The following NFIB variants were observed in gnomAD, a reference collection of about 807,000 sequenced individuals.
NFIB encodes the protein nuclear factor 1 B-type.
Under a neutral mutation model 61.5 loss-of-function variants are expected in NFIB, and 11 were observed. That is an observed-to-expected ratio of 0.18 (90% confidence interval 0.11 to 0.30). The LOEUF is 0.30. NFIB is among the 10% of genes least tolerant of loss of function. NFIB has a pLI of 1.00. For missense variants in NFIB, 471 were observed against 608.9 expected (o/e 0.77, Z 2.38); for synonymous variants, 260 against 216.5 (o/e 1.20, Z -1.76).
At chr9:14,124,284 T>C (rs2039353858) in intron 7 of NFIB, among the ~76,000 whole-genome samples, 1 of 152,244 alleles carries the variant, frequency 6.6e-6, no homozygotes, top group Non-Finnish European at 1.5e-5. Context: ...CAGTTAATTC[T>C]GTCCAAATAT....
At chr9:14,300,410 T>C (rs2059687359) in intron 2 of NFIB, among the ~76,000 whole-genome samples, 1 of 152,204 alleles carries the variant, frequency 6.6e-6, no homozygotes, top group African/African-American at 2.4e-5. Context: ...AGCACATACA[T>C]AGGAAAACCC....
Position 14,087,043 on chromosome 9 carries a change from C to T in NFIB, c.*1266G>A, listed in dbSNP as rs1780377862. On this transcript the variant is annotated 3_prime_UTR_variant, in exon 11 of 11. Coordinates refer to ENST00000380953, the MANE Select transcript of NFIB (RefSeq NM_001190737.2). ...TTTTCTCAAGAGTGCGTTTTTATAT[C>T]CTACACCCTGGCGTTCCCAGTTTGT... 1 of 203,386 alleles carries T rather than the reference C, an allele frequency of 4.9e-6. No homozygotes were observed. Among genetic ancestry groups the T allele is most frequent in the Admixed American group, 6.0e-5 (1 of 16,718 alleles). 12.6% of individuals were successfully genotyped at this position (203,386 alleles called of 1,614,324 possible). A position where few individuals can be genotyped will look rare whatever the true frequency, so the allele number is the denominator to read the frequency against.
intron 2 of NFIB, among the ~76,000 whole-genome samples, chr9:14,219,389 A>AAAG: frequency 6.7e-6 from 1 of 150,350 alleles, no homozygotes; most frequent in East Asian, 1.9e-4. Flanking sequence ...GGTAAAAAAA[A>AAAG]AAAAAAAAAA....
the NFIB span, among the ~76,000 whole-genome samples, chr9:14,472,766 A>G: frequency 5.2e-4 from 79 of 152,208 alleles, no homozygotes; most frequent in African/African-American, 1.8e-3. Flanking sequence ...GCGTGAACCC[A>G]GGAGGTGGAG....
At chr9:14,360,225 C>G (rs945767565) in intron 1 of NFIB, among the ~76,000 whole-genome samples, 2 of 152,214 alleles carry the variant, frequency 1.3e-5, no homozygotes, top group African/African-American at 4.8e-5. Context: ...CAACCCTTAT[C>G]TAAAGCATTC....
At chr9:14,129,804 TATA>T (rs1375831710) in intron 6 of NFIB, among the ~76,000 whole-genome samples, 4 of 152,140 alleles carry the variant, frequency 2.6e-5, no homozygotes, top group Non-Finnish European at 5.9e-5. Context: ...TGCATAAATA[TATA>T]ATAACTTGAA....
At chr9:14,203,138 T>C (rs555184521) in intron 2 of NFIB, among the ~76,000 whole-genome samples, 117 of 151,714 alleles carry the variant, frequency 7.7e-4, no homozygotes, top group Non-Finnish European at 1.4e-3. Context: ...CTTGCATGCT[T>C]TAGAAGCCAA....
Position 14,313,616 on chromosome 9 carries a change from C to G in NFIB, c.-105G>C. ...AGTCATCTGAGCCCCGCGATGCGAT[C>G]AATCAGGACGGGGCTCTGCGCTGGA... is the stretch of plus-strand genomic sequence containing the variant. On this transcript the variant is annotated 5_prime_UTR_variant, in exon 1 of 11. Transcript: ENST00000380953. This position sits in a 1 kb window ranked among gnomAD's most constrained non-coding sequence, Gnocchi z 4.5. The G allele has an allele frequency of 6.3e-7, 1 of 1,599,212 alleles. No homozygotes were observed. Among genetic ancestry groups the G allele is most frequent in the Non-Finnish European group, 8.5e-7 (1 of 1,172,752 alleles).
chr9:14,468,787 C>T, the NFIB span, among the ~76,000 whole-genome samples: 1 of 152,150 alleles, frequency 6.6e-6, no homozygotes, highest in African/African-American at 2.4e-5. Context: ...AAAACAATTT[C>T]AAGAGGTAGA....
At position 14,082,986 on chromosome 9, in the gene NFIB, A is replaced by G. The variant is rs1462394664; in HGVS notation, c.*5323T>C. On this transcript the variant is annotated 3_prime_UTR_variant, in exon 11 of 11. Coordinates refer to ENST00000380953, the MANE Select transcript of NFIB (RefSeq NM_001190737.2). ...CAATAAGTCATCAAGGGCTTAGTCT[A>G]GTGTACCGGTAAGCTAGTGGCACTG... 1 of 204,036 alleles carries G rather than the reference A, an allele frequency of 4.9e-6. No individual in the cohort carries two copies. Among genetic ancestry groups the G allele is most frequent in the African/African-American group, 2.3e-5 (1 of 43,640 alleles). 12.6% of individuals were successfully genotyped at this position (204,036 alleles called of 1,614,324 possible).
chr9:14,449,822 T>C, the NFIB span, among the ~76,000 whole-genome samples: 8 of 151,888 alleles, frequency 5.3e-5, no homozygotes, highest in African/African-American at 1.9e-4. Flanking sequence ...CAGTCCCAAC[T>C]ACTCCGGAGG....
chr9:14,497,997 A>G, the NFIB span, among the ~76,000 whole-genome samples: 1 of 152,232 alleles, frequency 6.6e-6, no homozygotes, highest in African/African-American at 2.4e-5. Context: ...GAAGCTGGAC[A>G]AACTGTCAAG....
At chr9:14,346,581 A>G (rs2061025651) in intron 1 of NFIB, among the ~76,000 whole-genome samples, 1 of 152,204 alleles carries the variant, frequency 6.6e-6, no homozygotes, top group African/African-American at 2.4e-5. Flanking sequence ...GCAACGCAGA[A>G]GGAGATCCAG....
At chr9:14,243,732 G>A (rs1011766998) in intron 2 of NFIB, among the ~76,000 whole-genome samples, 2 of 151,814 alleles carry the variant, frequency 1.3e-5, no homozygotes, top group East Asian at 1.9e-4. Flanking sequence ...TCCCAACCTC[G>A]TCTCAGATAG....
At chr9:14,209,201 T>C (rs1377831358) in intron 2 of NFIB, among the ~76,000 whole-genome samples, 2 of 152,238 alleles carry the variant, frequency 1.3e-5, no homozygotes, top group Non-Finnish European at 2.9e-5. Flanking sequence ...TTTTATGACA[T>C]GCTTATGTTC....
intron 2 of NFIB, among the ~76,000 whole-genome samples, chr9:14,272,172 TA>T (rs1424654418): frequency 6.6e-6 from 1 of 152,136 alleles, no homozygotes; most frequent in Non-Finnish European, 1.5e-5. Flanking sequence ...TGAACAAACT[TA>T]AAATAGCTAC....
At chr9:14,438,192 C>T in the NFIB span, among the ~76,000 whole-genome samples, 1 of 152,128 alleles carries the variant, frequency 6.6e-6, no homozygotes, top group South Asian at 2.1e-4. Context: ...TCATATACTA[C>T]ACACACTCAT....
intron 2 of NFIB, among the ~76,000 whole-genome samples, chr9:14,182,514 G>C (rs2046888729): frequency 6.6e-6 from 1 of 152,160 alleles, no homozygotes; most frequent in South Asian, 2.1e-4. Context: ...AGTAACCAGG[G>C]AGTCGTGGTT....
intron 2 of NFIB, among the ~76,000 whole-genome samples, chr9:14,216,536 CTCTCTCCCTCTGTGTGTGTGTGTGTG>C (rs1276426603): frequency 2.6e-3 from 81 of 31,652 alleles, no homozygotes; most frequent in African/African-American, 9.7e-3. Context: ...CTCTCTCTCT[CTCTCTCCCTCTGTGTGTGTGTGTGTG>C]TGTGTGTGTG....
Sources: gnomAD v4.1 joint callset for allele counts (sites outside exome capture counted in the v4.1 genomes callset) on GRCh38, gnomAD v4.1.1 for gene constraint, Gnocchi (gnomAD v3.1) non-coding constraint, MANE v1.5 for transcripts, NCBI Gene and HGNC (gene_info 2026-07-23, HGNC 2026-07-21) for gene names.